LRRC56: variants seen among roughly 807,000 people sequenced by gnomAD.
The protein encoded by LRRC56 is leucine rich repeat containing 56.
LRRC56 carries 41 observed loss-of-function variants against 47.8 expected under a neutral mutation model. The observed-to-expected ratio is 0.86, with a 90% confidence interval of 0.67 to 1.11. LRRC56 has a LOEUF of 1.11. Among genes scored for constraint, LRRC56 ranks in the 50% most tolerant of loss-of-function variants. The pLI is 0.00. For missense variants in LRRC56, 759 were observed against 704.2 expected, an observed-to-expected ratio of 1.08 and a Z score of -0.88; for synonymous variants, 387 against 311.2, an observed-to-expected ratio of 1.24 and a Z score of -2.56.
chr11:542,836 C>T (rs190072326), intron 5 of LRRC56, among the ~76,000 whole-genome samples: 180 of 152,186 alleles, frequency 1.2e-3, no homozygotes, highest in Non-Finnish European at 1.7e-3. Flanking sequence ...AGGAATTACA[C>T]CTGTACATGA....
rs1242105449 is a variant in LRRC56, at chr11:551,223, A to G, written c.717A>G (p.Pro239=). Residue 239 remains proline (P), a synonymous_variant, in exon 9 of 14, where the codon CCA becomes CCG. Transcript: ENST00000270115. ...LDEVPAAHTG[P]PAPPRLSQDW... ...AAGTGCCGGCCGCACACACAGGCCCACCGGCCCCCCCGCGGCTGAGCCAGG... is the reference window on the plus strand; with the variant it reads ...AAGTGCCGGCCGCACACACAGGCCCGCCGGCCCCCCCGCGGCTGAGCCAGG... The G allele has an allele frequency of 1.9e-6, 3 of 1,546,576 alleles. No homozygotes were observed. The highest frequency in any genetic ancestry group is 2.6e-6 in the Non-Finnish European group (3 of 1,144,752).
the LRRC56 span, chr11:507,190 C>G: frequency 1.3e-5 from 2 of 152,054 alleles, no homozygotes; most frequent in Admixed American, 6.5e-5. Context: ...GCCAGCAGAA[C>G]GGGTTGAACG....
At chr11:507,615 T>TCGGGCCTTGCTGGGGCGCGGGG in the LRRC56 span, among the ~76,000 whole-genome samples, 3 of 151,780 alleles carry the variant, frequency 2.0e-5, no homozygotes, top group African/African-American at 7.3e-5. Context: ...CAGGCGCGGG[T>TCGGGCCTTGCTGGGGCGCGGGG]CGGGCCTTGC....
upstream of LRRC56, among the ~76,000 whole-genome samples, chr11:532,924 G>A (rs141563653): frequency 2.6e-5 from 4 of 152,200 alleles, no homozygotes; most frequent in Non-Finnish European, 5.9e-5. Flanking sequence ...CCATCTCGAA[G>A]TGCCCAGGGC....
chr11:522,622 C>T, the LRRC56 span, among the ~76,000 whole-genome samples: 1 of 151,770 alleles, frequency 6.6e-6, no homozygotes, highest in East Asian at 1.9e-4. Flanking sequence ...CTGGTCTCAA[C>T]TCCTGAGCTC....
chr11:535,894 A>G (rs1851469050), upstream of LRRC56, among the ~76,000 whole-genome samples: 1 of 152,086 alleles, frequency 6.6e-6, no homozygotes, highest in Admixed American at 6.5e-5. Context: ...AACCCGACTC[A>G]GCGGTGCCGG....
intron 13 of LRRC56, among the ~76,000 whole-genome samples, chr11:553,531 T>TCGGGG (rs2134077465): frequency 6.6e-6 from 1 of 152,156 alleles, no homozygotes; most frequent in African/African-American, 2.4e-5. Context: ...TGCAGTGGCC[T>TCGGGG]CAGGGCAGGG....
At chr11:533,131 C>T (rs1851208585), upstream of LRRC56, 1 of 748,832 alleles carries the variant, frequency 1.3e-6, no homozygotes, top group Non-Finnish European at 2.1e-6. Context: ...GGCCGGGCCC[C>T]AGGGTCACCG....
chr11:535,252 C>T (rs1851400292), upstream of LRRC56: 1 of 148,504 alleles, frequency 6.7e-6, no homozygotes, highest in African/African-American at 2.4e-5. Flanking sequence ...CCGACGCCCG[C>T]TCACCTGTGC....
In LRRC56 at chr11:551,820, C is replaced by T; in HGVS notation, c.966C>T (p.Leu322=). 1 of 1,606,946 alleles carries T rather than the reference C, an allele frequency of 6.2e-7. No individual in the cohort carries two copies. The highest frequency in any genetic ancestry group is 8.5e-7 in the Non-Finnish European group (1 of 1,175,922). ...DLAPEDNTSS[L]THGAGQVLCG... ...CCCCAGAAGATAACACCAGCAGCCT[C>T]ACCCATGGTAACTGACTTGCCTCAA... Residue 322 remains leucine, a synonymous_variant, in exon 10 of 14, where the codon CTC becomes CTT. Coordinates refer to ENST00000270115, the MANE Select transcript of LRRC56 (RefSeq NM_198075.4).
the LRRC56 span, among the ~76,000 whole-genome samples, chr11:514,323 G>C: frequency 6.7e-6 from 1 of 148,712 alleles, no homozygotes. Flanking sequence ...GTCTTGCTTT[G>C]TTGCCCAGAC....
intron 6 of LRRC56, 149 bp downstream of exon 6, chr11:544,929 G>C (rs1232021173): frequency 1.2e-6 from 1 of 802,014 alleles, no homozygotes; most frequent in Non-Finnish European, 2.0e-6. Context: ...CATCCTGCTG[G>C]CTGCCTGACC....
intron 8 of LRRC56, among the ~76,000 whole-genome samples, chr11:550,554 AAAG>A (rs1288684636): frequency 1.3e-5 from 2 of 152,130 alleles, no homozygotes; most frequent in Non-Finnish European, 2.9e-5. Context: ...GTGGAAACAC[AAAG>A]AACCACGTGT....
At chr11:553,533 A>G (rs12360657) in intron 13 of LRRC56, among the ~76,000 whole-genome samples, 131,138 of 152,184 alleles carry the variant, frequency 0.86, 56,719 homozygotes, top group Admixed American at 0.91. Context: ...CAGTGGCCTC[A>G]GGGCAGGGTC....
upstream of LRRC56, chr11:534,171 C>T (rs760986206): frequency 9.3e-6 from 14 of 1,501,168 alleles, no homozygotes; most frequent in South Asian, 5.6e-5. Flanking sequence ...TGGGCTCGCC[C>T]GCAGCAGCTG....
chr11:518,965 C>A, the LRRC56 span, among the ~76,000 whole-genome samples: 4 of 151,970 alleles, frequency 2.6e-5, no homozygotes, highest in African/African-American at 9.6e-5. Context: ...GGGGAACTTG[C>A]GGCCCCAAGA....
intron 12 of LRRC56, 36 bp from the exon 13 acceptor site, chr11:552,533 T>C: frequency 6.4e-7 from 1 of 1,559,686 alleles, no homozygotes; most frequent in South Asian, 1.2e-5. Flanking sequence ...CGTGGGGGGA[T>C]CAGGGCTGGA....
the LRRC56 span, among the ~76,000 whole-genome samples, chr11:513,720 G>A: frequency 3.3e-5 from 5 of 151,670 alleles, no homozygotes; most frequent in South Asian, 2.1e-4. Context: ...ATTGCTGGCC[G>A]GGTGTGGTGG....
the LRRC56 span, among the ~76,000 whole-genome samples, chr11:529,939 G>C: frequency 2.0e-5 from 3 of 152,184 alleles, no homozygotes; most frequent in Admixed American, 2.0e-4. Flanking sequence ...CTAGCGGCAT[G>C]AGGGGGCTTC....
Sources: gnomAD v4.1 joint callset for allele counts (sites outside exome capture counted in the v4.1 genomes callset) on GRCh38, gnomAD v4.1.1 for gene constraint, MANE v1.5 for transcripts, NCBI Gene and HGNC (gene_info 2026-07-23, HGNC 2026-07-21) for gene names.